The following HMGCLL1 variants were observed in gnomAD, a reference collection of about 807,000 sequenced individuals.
HMGCLL1 encodes the protein 3-hydroxy-3-methylglutaryl-CoA lyase like 1.
In HMGCLL1, 36 loss-of-function variants were observed where a neutral mutation model predicts 39.1. The ratio of observed to expected loss-of-function variants is 0.92; its 90% CI spans 0.71 to 1.22. The LOEUF is 1.22. Ranked by LOEUF, HMGCLL1 falls within the 50% of genes most tolerant of loss-of-function variation. HMGCLL1 has a pLI of 0.00. For missense variants in HMGCLL1, 451 were observed against 416.5 expected (o/e 1.08, Z -0.72); for synonymous variants, 149 against 144.0 (o/e 1.03, Z -0.25).
chr6:55,520,274 AAAT>A (rs1767972504), intron 3 of HMGCLL1, among the ~76,000 whole-genome samples: 1 of 114,984 alleles, frequency 8.7e-6, no homozygotes, highest in Non-Finnish European at 2.0e-5. Flanking sequence ...ATAAATAAAT[AAAT>A]AAAAGAAAAA....
At chr6:55,452,138 C>T (rs1184932039) in intron 7 of HMGCLL1, among the ~76,000 whole-genome samples, 5 of 152,214 alleles carry the variant, frequency 3.3e-5, no homozygotes, top group Non-Finnish European at 7.4e-5. Flanking sequence ...TTTGAGGACA[C>T]AAAAATAAAG....
chr6:55,647,745 C>CTTTTTTTTTTTT, the HMGCLL1 span, among the ~76,000 whole-genome samples: 14 of 115,838 alleles, frequency 1.2e-4, no homozygotes, highest in East Asian at 4.8e-4. Flanking sequence ...TTTTTTTTTC[C>CTTTTTTTTTTTT]TTTTTTTTTT....
chr6:55,548,752 A>G (rs1184111690), intron 1 of HMGCLL1, among the ~76,000 whole-genome samples: 2 of 151,934 alleles, frequency 1.3e-5, no homozygotes, highest in Non-Finnish European at 2.9e-5. Flanking sequence ...AAAATATGAG[A>G]TTAAAATAGA....
intron 7 of HMGCLL1, among the ~76,000 whole-genome samples, chr6:55,479,418 G>A (rs1765616395): frequency 6.6e-6 from 1 of 151,422 alleles, no homozygotes; most frequent in Non-Finnish European, 1.5e-5. Flanking sequence ...TGAAACTATG[G>A]GATGTGGTTT....
At position 55,435,669 on chromosome 6, in the gene HMGCLL1, T is replaced by G. The variant is rs773981172; in HGVS notation, c.1016A>C (p.Asn339Thr). The G allele has an allele frequency of 8.2e-6, 13 of 1,583,182 alleles. No homozygotes were observed. The Admixed American group carries it at 8.7e-5, about 11-fold the overall frequency. Reference sequence around the variant, plus strand: ...GTCATAAATCCATTCAAGTCAAGCATTGAAGGAGGCTTGTGCTACTTTAGA... The same window carrying G: ...GTCATAAATCCATTCAAGTCAAGCAGTGAAGGAGGCTTGTGCTACTTTAGA... ...TNSKVAQASF[N>T]A is the part of the protein sequence containing the mutation. The change falls in exon 9 of 9, where the codon AAT becomes ACT. Residue 339 changes from asparagine to threonine, a missense_variant. Asn to Thr is a moderately conservative substitution (Grantham distance 65, BLOSUM62 0). Transcript: ENST00000274901.
chr6:55,533,949 G>C (rs1355422877), intron 3 of HMGCLL1, among the ~76,000 whole-genome samples: 1 of 150,060 alleles, frequency 6.7e-6, no homozygotes, highest in Non-Finnish European at 1.5e-5. Flanking sequence ...TTAGGACTTT[G>C]ATGAACAGGT....
intron 7 of HMGCLL1, among the ~76,000 whole-genome samples, chr6:55,470,220 T>C (rs896082067): frequency 6.6e-6 from 1 of 152,014 alleles, no homozygotes; most frequent in South Asian, 2.1e-4. Flanking sequence ...ACTATAATTG[T>C]TGTTTGTGTT....
intron 3 of HMGCLL1, among the ~76,000 whole-genome samples, chr6:55,527,893 G>C (rs1264736485): frequency 6.6e-6 from 1 of 151,968 alleles, no homozygotes; most frequent in Non-Finnish European, 1.5e-5. Context: ...AGTGAGGTCA[G>C]TTTGGTATGT....
intron 3 of HMGCLL1, among the ~76,000 whole-genome samples, chr6:55,528,839 C>G (rs1768472913): frequency 6.6e-6 from 1 of 151,922 alleles, no homozygotes; most frequent in African/African-American, 2.4e-5. Flanking sequence ...AATGCCTACA[C>G]GTCTCAAGAG....
At chr6:55,508,043 A>T (rs1767258151) in intron 5 of HMGCLL1, among the ~76,000 whole-genome samples, 1 of 151,750 alleles carries the variant, frequency 6.6e-6, no homozygotes, top group African/African-American at 2.4e-5. Context: ...CAGGTGAAAA[A>T]GGGATTCCAA....
chr6:55,494,112 G>T (rs989907544), intron 7 of HMGCLL1, among the ~76,000 whole-genome samples: 3 of 152,194 alleles, frequency 2.0e-5, no homozygotes, highest in Middle Eastern at 3.4e-3. Flanking sequence ...AAACCGCATT[G>T]GGGTATTAGC....
intron 1 of HMGCLL1, among the ~76,000 whole-genome samples, chr6:55,572,468 A>C (rs1277061126): frequency 6.6e-6 from 1 of 152,086 alleles, no homozygotes; most frequent in Non-Finnish European, 1.5e-5. Flanking sequence ...CTAAAATTGG[A>C]CATAATATTA....
At chr6:55,543,555 T>C (rs1286252971) in intron 1 of HMGCLL1, among the ~76,000 whole-genome samples, 1 of 125,070 alleles carries the variant, frequency 8.0e-6, no homozygotes, top group Non-Finnish European at 1.6e-5. Context: ...TACATATATA[T>C]TTATATATTT....
chr6:55,542,029 A>G, intron 2 of HMGCLL1, 31 bp downstream of exon 2: 1 of 1,306,054 alleles, frequency 7.7e-7, no homozygotes, highest in Non-Finnish European at 1.1e-6. Flanking sequence ...TAATTTGTAG[A>G]CAGCATTTGA....
At chr6:55,441,273 T>G (rs966024072) in intron 7 of HMGCLL1, among the ~76,000 whole-genome samples, 2 of 152,016 alleles carry the variant, frequency 1.3e-5, no homozygotes, top group Non-Finnish European at 2.9e-5. Context: ...GACCTTCGGG[T>G]TGGTAGAGGA....
intron 3 of HMGCLL1, among the ~76,000 whole-genome samples, chr6:55,517,221 C>G (rs1206064099): frequency 1.3e-5 from 2 of 151,822 alleles, no homozygotes; most frequent in African/African-American, 4.8e-5. Flanking sequence ...TTTAACCTAC[C>G]CTGTCAACAC....
At chr6:55,515,539 C>G (rs996862892) in intron 4 of HMGCLL1, among the ~76,000 whole-genome samples, 3 of 152,062 alleles carry the variant, frequency 2.0e-5, no homozygotes, top group African/African-American at 7.2e-5. Context: ...AGCATGATAT[C>G]ACACAGGGAG....
the HMGCLL1 span, among the ~76,000 whole-genome samples, chr6:55,622,579 T>C: frequency 6.6e-6 from 1 of 152,142 alleles, no homozygotes; most frequent in Middle Eastern, 3.2e-3. Flanking sequence ...TTGTGCATGT[T>C]GAACCATCTT....
chr6:55,581,519 T>A (rs4236136), upstream of HMGCLL1, among the ~76,000 whole-genome samples: 77,839 of 151,748 alleles, frequency 0.51, 20,273 homozygotes, highest in South Asian at 0.61. Flanking sequence ...ATTTATACAT[T>A]TGAAAAGCAT....
Sources: gnomAD v4.1 joint callset for allele counts (sites outside exome capture counted in the v4.1 genomes callset) on GRCh38, gnomAD v4.1.1 for gene constraint, MANE v1.5 for transcripts, NCBI Gene and HGNC (gene_info 2026-07-23, HGNC 2026-07-21) for gene names.